Variants in NIPSNAP3B observed in about 807,000 individuals in gnomAD.
NIPSNAP3B encodes protein NipSnap homolog 3B.
NIPSNAP3B carries 30 observed loss-of-function variants against 31.5 expected under a neutral mutation model. That is an observed-to-expected ratio of 0.95 (90% CI 0.71 to 1.29). The LOEUF (loss-of-function observed/expected upper bound fraction) is 1.29, where lower values mean the gene tolerates loss of function less well. NIPSNAP3B is among the 50% of genes most tolerant of loss of function. NIPSNAP3B has a pLI of 0.00. For missense variants in NIPSNAP3B, 269 were observed against 300.7 expected (o/e 0.89, Z 0.78); for synonymous variants, 106 against 107.9 (o/e 0.98, Z 0.11).
chr9:104,785,571 T>A, the NIPSNAP3B span: 1 of 1,613,694 alleles, frequency 6.2e-7, no homozygotes, highest in Non-Finnish European at 8.5e-7. Context: ...TCCAAAGAAA[T>A]CCTGGACAGG....
At chr9:104,786,469 T>G in the NIPSNAP3B span, 1 of 1,233,882 alleles carries the variant, frequency 8.1e-7, no homozygotes. Flanking sequence ...CTTCCAGCAT[T>G]CCAGCTTCCT....
chr9:104,775,698 T>C lies in NIPSNAP3B; in HGVS notation c.*2625T>C, dbSNP rs534260193. On this transcript the variant is annotated 3_prime_UTR_variant, in exon 6 of 6. Transcript: ENST00000374762. ...CCCCACACCTCCACCTGAATGTCTATTAGAAATCTCACACCCCTCTTGTCC... is the reference window on the plus strand; with the variant it reads ...CCCCACACCTCCACCTGAATGTCTACTAGAAATCTCACACCCCTCTTGTCC... 6.6e-6 allele frequency among the ~76,000 whole-genome samples: 1 copy of C among 152,186 alleles called. No individual in the cohort carries two copies. Among genetic ancestry groups the C allele is most frequent in the Non-Finnish European group, 1.5e-5 (1 of 68,028 alleles).
chr9:104,790,559 A>G, the NIPSNAP3B span, among the ~76,000 whole-genome samples: 1 of 152,246 alleles, frequency 6.6e-6, no homozygotes, highest in Non-Finnish European at 1.5e-5. Context: ...ATATGTGTAT[A>G]TAAGACAGAT....
chr9:104,767,347 C>A (rs1828110480), intron 2 of NIPSNAP3B, among the ~76,000 whole-genome samples: 1 of 152,044 alleles, frequency 6.6e-6, no homozygotes, highest in African/African-American at 2.4e-5. Context: ...CTGACCTACC[C>A]CTGGTTTAGT....
In NIPSNAP3B at chr9:104,773,946, ATGT is replaced by A. The variant is rs1828282416; in HGVS notation, c.*878_*880del. ...TGATAATTTACCAACTTTATTGAAA[ATGT>A]TGTTACATCAATAAAATAGCATGCT... On this transcript the variant is annotated 3_prime_UTR_variant, in exon 6 of 6. Coordinates refer to ENST00000374762, the MANE Select transcript of NIPSNAP3B (RefSeq NM_018376.4). The A allele has an allele frequency of 6.6e-6, 1 of 152,166 alleles. No homozygotes were observed. The highest frequency in any genetic ancestry group is 1.5e-5 in the Non-Finnish European group (1 of 68,020). The allele number at this position is 152,166 out of a possible 1,614,324, so 9.4% of individuals were successfully genotyped here. A position where few individuals can be genotyped will look rare whatever the true frequency, so the allele number is the denominator to read the frequency against.
chr9:104,786,668 GAAT>G, the NIPSNAP3B span, among the ~76,000 whole-genome samples: 9 of 152,170 alleles, frequency 5.9e-5, no homozygotes, highest in Non-Finnish European at 1.5e-5. Flanking sequence ...CACTGACTTG[GAAT>G]AATGTTTACA....
At chr9:104,785,320 T>C in the NIPSNAP3B span, 3 of 1,584,640 alleles carry the variant, frequency 1.9e-6, no homozygotes, top group South Asian at 2.2e-5. Context: ...AAACTGCTCT[T>C]GGACCTATGG....
downstream of NIPSNAP3B, among the ~76,000 whole-genome samples, chr9:104,779,446 A>G (rs749327420): frequency 7.3e-6 from 1 of 137,900 alleles, no homozygotes; most frequent in South Asian, 2.3e-4. Flanking sequence ...CCTAACTTCA[A>G]CAAAAAGAAC....
chr9:104,770,073 TA>T (rs1035026415), intron 3 of NIPSNAP3B, among the ~76,000 whole-genome samples: 2 of 152,200 alleles, frequency 1.3e-5, no homozygotes, highest in Admixed American at 6.5e-5. Context: ...CTAATGTACT[TA>T]AAACTCCCCT....
downstream of NIPSNAP3B, chr9:104,781,590 C>A (rs1828548737): frequency 6.6e-6 from 1 of 152,588 alleles, no homozygotes; most frequent in Non-Finnish European, 1.5e-5. Context: ...TTAATAGTCA[C>A]AAAGCATTTG....
intron 1 of NIPSNAP3B, among the ~76,000 whole-genome samples, chr9:104,765,554 A>G (rs1175416003): frequency 6.6e-6 from 1 of 152,224 alleles, no homozygotes; most frequent in African/African-American, 2.4e-5. Flanking sequence ...GACTATTACA[A>G]AGGGTGGTTC....
the NIPSNAP3B span, chr9:104,786,195 G>T: frequency 9.8e-7 from 1 of 1,017,998 alleles, no homozygotes; most frequent in Non-Finnish European, 1.5e-6. Flanking sequence ...GTTTTGCTCA[G>T]TTTTATTTCC....
downstream of NIPSNAP3B, among the ~76,000 whole-genome samples, chr9:104,780,476 CAT>C (rs775816393): frequency 3.4e-4 from 52 of 152,200 alleles, no homozygotes; most frequent in Non-Finnish European, 5.4e-4. Flanking sequence ...CAGCACTGCT[CAT>C]ATGTTGTCTG....
Position 104,773,139 on chromosome 9 carries a change from T to A in NIPSNAP3B, c.*66T>A. Reference sequence around the variant, plus strand: ...GATGTGTCTGCTAATGGTGCTTAAATTCTCCCAAGAGGTTCTCGCTTTTAT... The same window carrying A: ...GATGTGTCTGCTAATGGTGCTTAAAATCTCCCAAGAGGTTCTCGCTTTTAT... On this transcript the variant is annotated 3_prime_UTR_variant, in exon 6 of 6. Coordinates refer to ENST00000374762, the MANE Select transcript of NIPSNAP3B (RefSeq NM_018376.4). The A allele has an allele frequency of 1.3e-6, 2 of 1,492,508 alleles. No homozygotes were observed. Among genetic ancestry groups the A allele is most frequent in the Non-Finnish European group, 1.9e-6 (2 of 1,075,866 alleles). The allele number at this position is 1,492,508 out of a possible 1,614,324, so 92.5% of individuals were successfully genotyped here.
At chr9:104,770,727 A>G (rs1828196816) in intron 3 of NIPSNAP3B, 122 bp from the exon 4 acceptor site, 3 of 717,376 alleles carry the variant, frequency 4.2e-6, no homozygotes, top group Non-Finnish European at 7.1e-6. Context: ...GTGACTGCAT[A>G]TGTATGTATA....
At chr9:104,788,879 A>G in the NIPSNAP3B span, among the ~76,000 whole-genome samples, 1 of 152,150 alleles carries the variant, frequency 6.6e-6, no homozygotes, top group Non-Finnish European at 1.5e-5. Flanking sequence ...AATCTCAGTC[A>G]CACTACCCCA....
chr9:104,775,175 T>A lies in NIPSNAP3B; in HGVS notation c.*2102T>A, dbSNP rs921723886. On this transcript the variant is annotated 3_prime_UTR_variant, in exon 6 of 6. Coordinates refer to ENST00000374762, the MANE Select transcript of NIPSNAP3B (RefSeq NM_018376.4). ...GATTCTTCTCCTCAGCATATAAATATACTTTTTTTTCCTATCTTTAAAAAA... is the reference window on the plus strand; with the variant it reads ...GATTCTTCTCCTCAGCATATAAATAAACTTTTTTTTCCTATCTTTAAAAAA... Among the ~76,000 whole-genome samples, 1 of 128,256 alleles carries A rather than the reference T, an allele frequency of 7.8e-6. No individual in the cohort carries two copies. The highest frequency in any genetic ancestry group is 2.8e-5 in the African/African-American group (1 of 36,242). The allele number at this position is 128,256 out of a possible 152,430, so 84.1% of individuals were successfully genotyped here.
At chr9:104,789,753 G>A in the NIPSNAP3B span, among the ~76,000 whole-genome samples, 1 of 148,914 alleles carries the variant, frequency 6.7e-6, no homozygotes, top group African/African-American at 2.6e-5. Flanking sequence ...AACGGTCATG[G>A]TCAAAAAACT....
intron 3 of NIPSNAP3B, among the ~76,000 whole-genome samples, chr9:104,770,645 C>G (rs888482442): frequency 2.6e-5 from 4 of 152,210 alleles, no homozygotes; most frequent in Non-Finnish European, 5.9e-5. Flanking sequence ...ATTTTAACAA[C>G]TGACCCTTAA....
Sources: gnomAD v4.1 joint callset for allele counts (sites outside exome capture counted in the v4.1 genomes callset) on GRCh38, gnomAD v4.1.1 for gene constraint, MANE v1.5 for transcripts, NCBI Gene and HGNC (gene_info 2026-07-23, HGNC 2026-07-21) for gene names.